EXOSC10: variants seen among roughly 807,000 people sequenced by gnomAD.
The protein encoded by EXOSC10 is exosome complex component 10.
Under a neutral mutation model 126.6 loss-of-function variants are expected in EXOSC10, and 94 were observed. The ratio of observed to expected loss-of-function variants is 0.74; its 90% CI spans 0.63 to 0.88. EXOSC10 has a LOEUF of 0.88. Ranked by LOEUF, EXOSC10 falls within the 40% of genes least tolerant of loss-of-function variation. The probability of loss-of-function intolerance (pLI) is 0.00; values close to 1 mark genes in which losing one functional copy is unlikely to be tolerated. For missense variants in EXOSC10, 1,041 were observed against 1,100.5 expected, an observed-to-expected ratio of 0.95 and a Z score of 0.77; for synonymous variants, 395 against 400.8, an observed-to-expected ratio of 0.99 and a Z score of 0.17.
intron 10 of EXOSC10, 61 bp downstream of exon 10, chr1:11,082,627 C>T: frequency 6.3e-7 from 1 of 1,596,942 alleles, no homozygotes; most frequent in South Asian, 1.1e-5. Flanking sequence ...CTCTGGACGA[C>T]AGGTTAATGA....
At chr1:11,083,604 T>C (rs1640308397) in intron 9 of EXOSC10, among the ~76,000 whole-genome samples, 2 of 149,764 alleles carry the variant, frequency 1.3e-5, no homozygotes, top group African/African-American at 5.0e-5. Context: ...ATGCAGGGTT[T>C]TTTTTAAGTT....
intron 14 of EXOSC10, among the ~76,000 whole-genome samples, chr1:11,077,929 CTCTT>C (rs1429069421): frequency 1.3e-5 from 2 of 152,188 alleles, no homozygotes; most frequent in Non-Finnish European, 2.9e-5. Flanking sequence ...ATCAAGGTCT[CTCTT>C]TACTTGGACA....
chr1:11,075,853 C>CAAAAAAAAAAAAAA (rs58667041), intron 17 of EXOSC10, among the ~76,000 whole-genome samples: 1 of 35,140 alleles, frequency 2.8e-5, no homozygotes, highest in African/African-American at 1.3e-4. Flanking sequence ...GATCCTGTCA[C>CAAAAAAAAAAAAAA]AAAAAAAAAA....
chr1:11,085,045 T>C (rs1640415437), intron 9 of EXOSC10, among the ~76,000 whole-genome samples: 1 of 152,186 alleles, frequency 6.6e-6, no homozygotes, highest in Non-Finnish European at 1.5e-5. Flanking sequence ...GTAGTATAGT[T>C]TGAAGTCAGG....
At chr1:11,084,844 T>A (rs975178445) in intron 9 of EXOSC10, among the ~76,000 whole-genome samples, 5 of 152,360 alleles carry the variant, frequency 3.3e-5, no homozygotes, top group Admixed American at 2.6e-4. Context: ...TTTCTACATA[T>A]GGCTAGCCAG....
chr1:11,081,638 T>C (rs995571008), intron 10 of EXOSC10, among the ~76,000 whole-genome samples: 1 of 152,182 alleles, frequency 6.6e-6, no homozygotes, highest in Non-Finnish European at 1.5e-5. Context: ...TTGTGAGGAC[T>C]ACACAGGACC....
At chr1:11,067,898 G>A in intron 24 of EXOSC10, 110 bp downstream of exon 24, 1 of 886,114 alleles carries the variant, frequency 1.1e-6, no homozygotes, top group Non-Finnish European at 1.8e-6. Context: ...AGTCATCCTG[G>A]TTGAAGACCC....
chr1:11,095,155 T>G (rs1261307734), intron 3 of EXOSC10, among the ~76,000 whole-genome samples: 1 of 142,800 alleles, frequency 7.0e-6, no homozygotes, highest in Non-Finnish European at 1.5e-5. Context: ...GAGGTTGCAG[T>G]GAACCAACAT....
At chr1:11,099,623 C>T in intron 1 of EXOSC10, 98 bp downstream of exon 1, 2 of 1,343,378 alleles carry the variant, frequency 1.5e-6, no homozygotes, top group Non-Finnish European at 2.0e-6. Context: ...CTCGCTCGGG[C>T]TCCACTACGG....
In EXOSC10 at chr1:11,088,028, T is replaced by C. The variant is rs566519616; in HGVS notation, c.834+95A>G. ...AAACTGTAACTTTCTCCCTTAAAGA[T>C]CTTCAAGGAAAGTCAAAATTGCATC... On this transcript the variant is annotated intron_variant, in intron 7 of 24. Transcript: ENST00000376936. The C allele has an allele frequency of 2.4e-3, 3,128 of 1,290,172 alleles. 12 individuals are homozygous for C. Among genetic ancestry groups the C allele is most frequent in the Non-Finnish European group, 3.1e-3 (2,807 of 902,182 alleles). 79.9% of individuals were successfully genotyped at this position (1,290,172 alleles called of 1,614,324 possible).
chr1:11,079,826 A>T lies in EXOSC10; in HGVS notation c.1638-4T>A. On this transcript the variant is annotated splice_polypyrimidine_tract_variant and splice_region_variant and intron_variant, in intron 13 of 24. Transcript: ENST00000376936. ...AGCTATGATGCCCTGAGGTTCCCTG[A>T]AGACAAGTAAGAACACACTCAACTT... The T allele has an allele frequency of 6.2e-7, 1 of 1,606,166 alleles. No individual in the cohort carries two copies. The highest frequency in any genetic ancestry group is 8.5e-7 in the Non-Finnish European group (1 of 1,175,378).
chr1:11,090,953 T>C, intron 5 of EXOSC10, 61 bp downstream of exon 5: 1 of 1,560,664 alleles, frequency 6.4e-7, no homozygotes, highest in South Asian at 1.2e-5. Context: ...CTGTACACCC[T>C]TCCTGGTTTT....
intron 2 of EXOSC10, among the ~76,000 whole-genome samples, chr1:11,096,656 T>A (rs956987134): frequency 2.0e-4 from 30 of 151,354 alleles, no homozygotes; most frequent in Admixed American, 1.7e-3. Flanking sequence ...TTTAAAAATT[T>A]TTTGTAGGGA....
chr1:11,093,985 T>C (rs1640931468), intron 3 of EXOSC10, among the ~76,000 whole-genome samples: 1 of 152,158 alleles, frequency 6.6e-6, no homozygotes, highest in Admixed American at 6.5e-5. Flanking sequence ...GAGGCTGTGG[T>C]GGGAGGATCG....
intron 3 of EXOSC10, 102 bp from the exon 4 acceptor site, chr1:11,091,699 C>T: frequency 1.1e-6 from 1 of 888,148 alleles, no homozygotes; most frequent in Non-Finnish European, 1.8e-6. Flanking sequence ...CACTCTGTCA[C>T]CCAGGCTGGA....
intron 19 of EXOSC10, among the ~76,000 whole-genome samples, chr1:11,073,412 G>A (rs1406079602): frequency 2.0e-5 from 3 of 152,086 alleles, no homozygotes; most frequent in African/African-American, 7.2e-5. Context: ...GATTACAGGC[G>A]TGAGCCACCA....
intron 17 of EXOSC10, among the ~76,000 whole-genome samples, chr1:11,076,320 C>T (rs909166486): frequency 6.6e-6 from 1 of 152,014 alleles, no homozygotes; most frequent in South Asian, 2.1e-4. Context: ...TGCATTCCAG[C>T]CTTGGTGGCA....
At chr1:11,079,625 C>T in intron 14 of EXOSC10, 86 bp downstream of exon 14, 1 of 1,141,092 alleles carries the variant, frequency 8.8e-7, no homozygotes, top group Non-Finnish European at 1.3e-6. Context: ...AACTCCTGAC[C>T]TGAAATGATC....
chr1:11,068,383 G>C (rs550876874), intron 23 of EXOSC10: 4 of 591,526 alleles, frequency 6.8e-6, no homozygotes, highest in African/African-American at 5.6e-5. Flanking sequence ...GGCCCCAAAG[G>C]GGGTGCTTTT....
Sources: gnomAD v4.1 joint callset for allele counts (sites outside exome capture counted in the v4.1 genomes callset) on GRCh38, gnomAD v4.1.1 for gene constraint, MANE v1.5 for transcripts, NCBI Gene and HGNC (gene_info 2026-07-23, HGNC 2026-07-21) for gene names.